Variants in FBXL17 observed in about 807,000 individuals in gnomAD.
FBXL17 encodes F-box/LRR-repeat protein 17.
Under a neutral mutation model 66.2 loss-of-function variants are expected in FBXL17, and 22 were observed. The observed-to-expected ratio is 0.33, with a 90% confidence interval of 0.24 to 0.47. FBXL17 has a LOEUF of 0.47. Ranked by LOEUF, FBXL17 falls within the 20% of genes least tolerant of loss-of-function variation. The pLI, the probability that FBXL17 is intolerant of heterozygous loss-of-function variation, is 1.00. For synonymous variants in FBXL17, 474 were observed against 400.5 expected, an observed-to-expected ratio of 1.18 and a Z score of -2.19; for missense variants, 878 against 948.2, an observed-to-expected ratio of 0.93 and a Z score of 0.97.
At chr5:108,347,074 T>C (rs575947600) in intron 4 of FBXL17, among the ~76,000 whole-genome samples, 16 of 152,306 alleles carry the variant, frequency 1.1e-4, no homozygotes, top group African/African-American at 3.8e-4. Context: ...CATTGCTTAA[T>C]GACAGGAAAA....
At chr5:108,291,444 G>A (rs34088844) in intron 4 of FBXL17, among the ~76,000 whole-genome samples, 42,316 of 152,056 alleles carry the variant, frequency 0.28, 6,462 homozygotes, top group Middle Eastern at 0.37. Flanking sequence ...TTACTGGCAG[G>A]AGAAATGAAT....
intron 6 of FBXL17, among the ~76,000 whole-genome samples, chr5:108,027,989 C>CT (rs1044612943): frequency 6.6e-6 from 1 of 152,048 alleles, no homozygotes; most frequent in Non-Finnish European, 1.5e-5. Context: ...ATAGTTAAGA[C>CT]TGGTGCTATC....
intron 6 of FBXL17, among the ~76,000 whole-genome samples, chr5:108,116,982 T>A (rs1750283804): frequency 6.6e-6 from 1 of 152,196 alleles, no homozygotes; most frequent in African/African-American, 2.4e-5. Flanking sequence ...TGTGGATATT[T>A]CATTTGTTAT....
chr5:107,956,959 T>C (rs1303250192), intron 7 of FBXL17, among the ~76,000 whole-genome samples: 1 of 152,198 alleles, frequency 6.6e-6, no homozygotes, highest in African/African-American at 2.4e-5. Flanking sequence ...CTCTAGGCAC[T>C]GATAGTGTTG....
At chr5:108,030,893 C>T (rs1204571507) in intron 6 of FBXL17, among the ~76,000 whole-genome samples, 1 of 152,036 alleles carries the variant, frequency 6.6e-6, no homozygotes, top group African/African-American at 2.4e-5. Context: ...TGAATTCCAT[C>T]CTGGTAATGA....
At chr5:108,149,376 T>G (rs1480945429) in intron 6 of FBXL17, among the ~76,000 whole-genome samples, 1 of 152,232 alleles carries the variant, frequency 6.6e-6, no homozygotes, top group Non-Finnish European at 1.5e-5. Context: ...AAGAATATCT[T>G]AGCTACAAAT....
intron 5 of FBXL17, 147 bp from the exon 6 acceptor site, chr5:108,186,394 T>C (rs1753233417): frequency 1.1e-5 from 7 of 611,946 alleles, no homozygotes; most frequent in East Asian, 5.7e-5. Flanking sequence ...AGATATTGTA[T>C]ATGTAATATT....
At chr5:108,090,690 T>A (rs769892379) in intron 6 of FBXL17, among the ~76,000 whole-genome samples, 1 of 152,202 alleles carries the variant, frequency 6.6e-6, no homozygotes, top group Non-Finnish European at 1.5e-5. Context: ...CTTTCTTTTT[T>A]AAAAATTTAT....
chr5:107,982,746 G>T (rs1352465626), intron 7 of FBXL17, among the ~76,000 whole-genome samples: 2 of 152,176 alleles, frequency 1.3e-5, no homozygotes, highest in Non-Finnish European at 2.9e-5. Flanking sequence ...TAGCCCAGAA[G>T]TGCTCCCTCT....
At chr5:107,941,406 C>G (rs1189333351) in intron 7 of FBXL17, among the ~76,000 whole-genome samples, 1 of 152,152 alleles carries the variant, frequency 6.6e-6, no homozygotes, top group Non-Finnish European at 1.5e-5. Context: ...GTGCAGAATA[C>G]CCTCGGCTGA....
intron 1 of FBXL17, among the ~76,000 whole-genome samples, chr5:108,378,030 G>T (rs1336387010): frequency 6.6e-6 from 1 of 152,112 alleles, no homozygotes; most frequent in South Asian, 2.1e-4. Flanking sequence ...TTTAAGATGT[G>T]GGTAATAAGC....
chr5:107,863,761 A>G (rs1026678619), intron 8 of FBXL17, among the ~76,000 whole-genome samples: 6 of 152,232 alleles, frequency 3.9e-5, no homozygotes, highest in African/African-American at 1.4e-4. Context: ...AGACACTAAC[A>G]TACTAATCAA....
At chr5:107,885,009 G>C (rs560986022) in intron 7 of FBXL17, among the ~76,000 whole-genome samples, 1 of 152,270 alleles carries the variant, frequency 6.6e-6, no homozygotes, top group East Asian at 1.9e-4. Context: ...CTAGAGTCTT[G>C]AACTGCCTAC....
chr5:108,072,289 T>C (rs289234), intron 6 of FBXL17, among the ~76,000 whole-genome samples: 103,656 of 152,100 alleles, frequency 0.68, 36,457 homozygotes, highest in East Asian at 0.93. Context: ...CCCAAAAAGC[T>C]CCTTATTAAC....
At chr5:107,954,737 T>A (rs1453658737) in intron 7 of FBXL17, among the ~76,000 whole-genome samples, 2 of 152,072 alleles carry the variant, frequency 1.3e-5, no homozygotes, top group Non-Finnish European at 2.9e-5. Context: ...GTGGTTTTGA[T>A]CACAGATGAC....
In FBXL17 at chr5:108,364,727, C is replaced by A; in HGVS notation, c.1374+11G>T. On this transcript the variant is annotated intron_variant, in intron 3 of 8. Transcript: ENST00000542267. ...TTCAAGTAAAATCACTTTATAAATG[C>A]TAAAATTTACCTGCTTGAGTCCTTC... 6.3e-7 allele frequency: 1 copy of A among 1,582,438 alleles called. No homozygotes were observed. The highest frequency in any genetic ancestry group is 8.6e-7 in the Non-Finnish European group (1 of 1,162,098).
At chr5:108,091,596 CT>C (rs1161750308) in intron 6 of FBXL17, among the ~76,000 whole-genome samples, 4 of 151,984 alleles carry the variant, frequency 2.6e-5, no homozygotes, top group Admixed American at 6.6e-5. Context: ...ATGAACCTTG[CT>C]TTTTCTCTAA....
chr5:108,073,219 A>G (rs1430911677), intron 6 of FBXL17, among the ~76,000 whole-genome samples: 1 of 152,328 alleles, frequency 6.6e-6, no homozygotes, highest in East Asian at 1.9e-4. Context: ...AAAATCGGAA[A>G]AACAACTCTT....
chr5:108,211,176 AAT>A (rs1754353403), intron 5 of FBXL17, among the ~76,000 whole-genome samples: 1 of 151,978 alleles, frequency 6.6e-6, no homozygotes, highest in East Asian at 1.9e-4. Flanking sequence ...TTGCTTGGTA[AAT>A]ATTCCTCCAT....
Sources: allele counts gnomAD v4.1 joint callset (sites outside exome capture counted in the v4.1 genomes callset), GRCh38; gene constraint gnomAD v4.1.1; transcripts MANE v1.5; gene names NCBI Gene and HGNC (gene_info 2026-07-23, HGNC 2026-07-21).